SYMPK: variants seen among roughly 807,000 people sequenced by gnomAD.
SYMPK encodes symplekin.
Under a neutral mutation model 136.4 loss-of-function variants are expected in SYMPK, and 49 were observed. The ratio of observed to expected loss-of-function variants is 0.36; its 90% CI spans 0.29 to 0.46. SYMPK has a LOEUF of 0.46. Ranked by LOEUF, SYMPK falls within the 20% of genes least tolerant of loss-of-function variation. The probability of loss-of-function intolerance (pLI) is 1.00; values close to 1 mark genes in which losing one functional copy is unlikely to be tolerated. For synonymous variants in SYMPK, 766 were observed against 713.0 expected (o/e 1.07, Z -1.19); for missense variants, 1,365 against 1,690.0 (o/e 0.81, Z 3.37).
intron 26 of SYMPK, 26 bp from the exon 27 acceptor site, chr19:45,815,723 G>A: frequency 6.2e-7 from 1 of 1,605,574 alleles, no homozygotes. Flanking sequence ...GGAAAGGGCA[G>A]CCGGGTGGAG....
chr19:45,816,706 C>A, intron 24 of SYMPK, 92 bp downstream of exon 24: 1 of 1,493,508 alleles, frequency 6.7e-7, no homozygotes, highest in African/African-American at 1.4e-5. Flanking sequence ...TGTCCGCCTC[C>A]ATCCAGTCCC....
At position 45,847,744 on chromosome 19, in the gene SYMPK, G is replaced by T. The variant is rs1220756970; in HGVS notation, c.676+8C>A. ...CTGTCAGGGGTGGCAGCTGAAGGCA[G>T]TACTCACTGTACTGGATGTAGGGGT... On this transcript the variant is annotated splice_region_variant and intron_variant, in intron 7 of 26. Coordinates refer to ENST00000245934, the MANE Select transcript of SYMPK (RefSeq NM_004819.3). The T allele has an allele frequency of 1.2e-6, 2 of 1,608,124 alleles. No individual in the cohort carries two copies. The highest frequency in any genetic ancestry group is 1.7e-6 in the Non-Finnish European group (2 of 1,175,864).
chr19:45,820,127 G>A (rs1412922545), intron 22 of SYMPK: 1 of 152,332 alleles, frequency 6.6e-6, no homozygotes, highest in Non-Finnish European at 1.5e-5. Context: ...CTTTCTTCTG[G>A]ACCTAGGATC....
At chr19:45,862,984 T>G in intron 1 of SYMPK, 74 bp downstream of exon 1, 12 of 236,598 alleles carry the variant, frequency 5.1e-5, no homozygotes, top group South Asian at 1.8e-4. Flanking sequence ...GGCGATGCCC[T>G]CCCCGCCCGA....
chr19:45,826,681 G>A (rs1296336465), intron 16 of SYMPK, among the ~76,000 whole-genome samples: 1 of 152,224 alleles, frequency 6.6e-6, no homozygotes, highest in African/African-American at 2.4e-5. Context: ...TCCCTGCCAA[G>A]TCTCCCTAGA....
At chr19:45,862,200 A>C (rs1259331653) in intron 1 of SYMPK, among the ~76,000 whole-genome samples, 1 of 151,672 alleles carries the variant, frequency 6.6e-6, no homozygotes, top group Non-Finnish European at 1.5e-5. Context: ...TTTTATGTGG[A>C]TGTATTATAG....
intron 9 of SYMPK, among the ~76,000 whole-genome samples, chr19:45,838,996 C>T (rs2146325482): frequency 6.6e-6 from 1 of 152,358 alleles, no homozygotes; most frequent in Non-Finnish European, 1.5e-5. Context: ...AAGTGATTCT[C>T]CTGCCTCAGC....
chr19:45,861,414 C>T (rs776570604), intron 1 of SYMPK, among the ~76,000 whole-genome samples: 23 of 152,102 alleles, frequency 1.5e-4, no homozygotes, highest in Middle Eastern at 3.2e-3. Context: ...TAAAAAAACC[C>T]ATATATACAT....
At chr19:45,841,152 T>C (rs1339499788) in intron 9 of SYMPK, among the ~76,000 whole-genome samples, 1 of 151,804 alleles carries the variant, frequency 6.6e-6, no homozygotes, top group Non-Finnish European at 1.5e-5. Context: ...CCTGGCTAAT[T>C]TTTGTATTTT....
At chr19:45,858,092 C>A (rs1209986397) in intron 1 of SYMPK, among the ~76,000 whole-genome samples, 1 of 152,124 alleles carries the variant, frequency 6.6e-6, no homozygotes, top group Non-Finnish European at 1.5e-5. Context: ...AGCCACAGCG[C>A]CCAGCCGAAA....
intron 7 of SYMPK, among the ~76,000 whole-genome samples, chr19:45,846,758 T>C (rs956109915): frequency 9.2e-5 from 14 of 152,118 alleles, no homozygotes; most frequent in African/African-American, 2.9e-4. Flanking sequence ...ATTATTCCTT[T>C]TGATTCACCC....
At chr19:45,849,029 G>A (rs1277897474) in intron 5 of SYMPK, among the ~76,000 whole-genome samples, 153 bp from the exon 6 acceptor site, 1 of 152,154 alleles carries the variant, frequency 6.6e-6, no homozygotes, top group Non-Finnish European at 1.5e-5. Flanking sequence ...GGTGCCTCCA[G>A]ACTGAGCCGC....
Position 45,823,427 on chromosome 19 carries a change from T to C in SYMPK, c.2645A>G (p.His882Arg). 6.2e-7 allele frequency: 1 copy of C among 1,613,890 alleles called. No homozygotes were observed. The highest frequency in any genetic ancestry group is 1.7e-5 in the Admixed American group (1 of 60,006). The change falls in exon 20 of 27, where the codon CAC becomes CGC. Residue 882 changes from histidine (H) to arginine (R), a missense_variant. This residue lies in a region of SYMPK where 92 missense variants were observed against 198.6 expected (regional missense o/e 0.46). Coordinates refer to ENST00000245934, the MANE Select transcript of SYMPK (RefSeq NM_004819.3). ...ELVKRVRDLY[H>R]KRLPDVRFLI... ...GAAGCGGACGTCTGGCAGTCGCTTG[T>C]GGTAGAGATCCCGGACCCGCTTCAC...
chr19:45,838,733 G>T, intron 9 of SYMPK, 118 bp from the exon 10 acceptor site: 2 of 1,165,402 alleles, frequency 1.7e-6, no homozygotes, highest in Non-Finnish European at 2.4e-6. Context: ...GGAGCAAACA[G>T]CGGATGAAGA....
At chr19:45,835,866 C>T (rs1245979378) in intron 10 of SYMPK, among the ~76,000 whole-genome samples, 1 of 151,452 alleles carries the variant, frequency 6.6e-6, no homozygotes, top group Non-Finnish European at 1.5e-5. Flanking sequence ...GAGCCGAGAT[C>T]GCGCTACTGC....
chr19:45,847,638 C>G (rs1428923842), intron 7 of SYMPK, 114 bp downstream of exon 7: 3 of 1,319,748 alleles, frequency 2.3e-6, no homozygotes, highest in Non-Finnish European at 3.1e-6. Flanking sequence ...AACTACTGCA[C>G]ACACTGTTCC....
At position 45,816,157 on chromosome 19, in the gene SYMPK, G is replaced by C. The variant is rs1132645; in HGVS notation, c.3381C>G (p.Ala1127=). Residue 1127 remains alanine, a synonymous_variant, in exon 26 of 27, where the codon GCC becomes GCG. Transcript: ENST00000245934. ...GAGGGGGCCGGGGTGCTGGGGCCGGGGCCAAGGTCAGGGGCTCCAGATCAT... is the reference window on the plus strand; with the variant it reads ...GAGGGGGCCGGGGTGCTGGGGCCGGCGCCAAGGTCAGGGGCTCCAGATCAT... The part of the protein sequence containing the change: ...EEDDLEPLTL[A]PAPAPRPPQD... 0.31 allele frequency: 484,675 copies of C among 1,543,556 alleles called. 79,354 individuals carry two copies. Among genetic ancestry groups the C allele is most frequent in the East Asian group, 0.65 (27,332 of 41,936 alleles).
intron 14 of SYMPK, chr19:45,828,235 G>A (rs1417725686): frequency 6.3e-6 from 2 of 316,374 alleles, no homozygotes; most frequent in Non-Finnish European, 1.2e-5. Flanking sequence ...TAGATATGGT[G>A]GCCTCAAAAG....
At chr19:45,820,057 C>T (rs1970853001) in intron 22 of SYMPK, 1 of 152,338 alleles carries the variant, frequency 6.6e-6, no homozygotes, top group Non-Finnish European at 1.5e-5. Flanking sequence ...GCCCTTTCTC[C>T]TGGGCCAAGG....
Sources: gnomAD v4.1 joint callset for allele counts (sites outside exome capture counted in the v4.1 genomes callset) on GRCh38, gnomAD v4.1.1 for gene constraint, gnomAD v4.1.1 regional missense constraint, MANE v1.5 for transcripts, NCBI Gene and HGNC (gene_info 2026-07-23, HGNC 2026-07-21) for gene names.